The following FBXL17 variants were observed in gnomAD, a reference collection of about 807,000 sequenced individuals.
FBXL17 encodes the protein F-box/LRR-repeat protein 17.
A neutral mutation model predicts 66.2 loss-of-function variants in FBXL17; 22 were observed. The observed-to-expected ratio is 0.33, with a 90% CI of 0.24 to 0.47. The LOEUF (loss-of-function observed/expected upper bound fraction) is 0.47. Ranked by LOEUF, FBXL17 falls within the 20% of genes least tolerant of loss-of-function variation. FBXL17 has a pLI of 1.00. For synonymous variants in FBXL17, 474 were observed against 400.5 expected (o/e 1.18, Z -2.19); for missense variants, 878 against 948.2 (o/e 0.93, Z 0.97).
intron 4 of FBXL17, among the ~76,000 whole-genome samples, chr5:108,240,870 CAG>C (rs142698907): frequency 1.5e-4 from 23 of 149,896 alleles, no homozygotes; most frequent in Admixed American, 2.0e-4. Context: ...GGGAGAGAGA[CAG>C]AGAGAGAGAG....
chr5:107,859,405 T>G lies in FBXL17; in HGVS notation c.*2315A>C, dbSNP rs1398075855. The G allele has an allele frequency of 2.8e-5, 4 of 144,626 alleles. No individual in the cohort carries two copies. The highest frequency in any genetic ancestry group is 1.4e-4 in the Admixed American group (2 of 14,470). The allele number at this position is 144,626 out of a possible 1,614,324, so 9.0% of individuals were successfully genotyped here. A position where few individuals can be genotyped will look rare whatever the true frequency, so the allele number is the denominator to read the frequency against. On this transcript the variant is annotated 3_prime_UTR_variant, in exon 9 of 9. Coordinates refer to ENST00000542267, the MANE Select transcript of FBXL17 (RefSeq NM_001163315.3). ...TTTTCTGGCTGTTTTTTTTTTTTTT[T>G]TTTTTTTTTTTTGAGATTAATGCTT...
intron 8 of FBXL17, among the ~76,000 whole-genome samples, chr5:107,868,924 A>G (rs1748364161): frequency 6.6e-6 from 1 of 152,220 alleles, no homozygotes; most frequent in Non-Finnish European, 1.5e-5. Flanking sequence ...TAAGCTATGC[A>G]ATGTTTCTCC....
chr5:108,269,969 A>G (rs1230960276), intron 4 of FBXL17, among the ~76,000 whole-genome samples: 2 of 152,010 alleles, frequency 1.3e-5, no homozygotes, highest in Non-Finnish European at 2.9e-5. Flanking sequence ...TATCCCCTCA[A>G]TGGAGATTAG....
Position 107,966,093 on chromosome 5 carries a change from TA to T in FBXL17, c.1822+54831del, listed in dbSNP as rs554721686. Among the ~76,000 whole-genome samples the T allele has an allele frequency of 1.6e-3, 249 of 152,222 alleles. 1 individual carries two copies. Among genetic ancestry groups the T allele is most frequent in the African/African-American group, 5.8e-3 (241 of 41,566 alleles). ...ACCAGAGTATTACAGGCATAAAAAT[TA>T]AACAATAATAAAAAGCCTGTTGAAA... On this transcript the variant is annotated intron_variant, in intron 7 of 8. Transcript: ENST00000542267.
intron 7 of FBXL17, among the ~76,000 whole-genome samples, chr5:107,981,687 C>T (rs1752835702): frequency 6.6e-6 from 1 of 152,166 alleles, no homozygotes; most frequent in Non-Finnish European, 1.5e-5. Context: ...TAAAATCTAA[C>T]AAATTATGGC....
At chr5:108,172,434 A>G (rs1300540167) in intron 6 of FBXL17, among the ~76,000 whole-genome samples, 2 of 152,230 alleles carry the variant, frequency 1.3e-5, no homozygotes, top group Non-Finnish European at 2.9e-5. Context: ...ATATTGCACA[A>G]AAGAGTGCGT....
chr5:108,178,347 C>A (rs1453747633), intron 6 of FBXL17, among the ~76,000 whole-genome samples: 1 of 152,062 alleles, frequency 6.6e-6, no homozygotes, highest in African/African-American at 2.4e-5. Flanking sequence ...TGCCTGGCCT[C>A]ATGATTTTTT....
At chr5:107,948,797 C>G (rs1751397613) in intron 7 of FBXL17, among the ~76,000 whole-genome samples, 1 of 152,114 alleles carries the variant, frequency 6.6e-6, no homozygotes, top group Non-Finnish European at 1.5e-5. Context: ...TATAAAATGC[C>G]ACTAAGAAGC....
intron 7 of FBXL17, among the ~76,000 whole-genome samples, chr5:107,977,262 A>G: frequency 6.6e-6 from 1 of 152,058 alleles, no homozygotes; most frequent in East Asian, 1.9e-4. Context: ...GTTATCATTT[A>G]TTTTGTTTAT....
chr5:108,292,882 G>A (rs1468717005), intron 4 of FBXL17, among the ~76,000 whole-genome samples: 3 of 151,928 alleles, frequency 2.0e-5, no homozygotes, highest in African/African-American at 4.8e-5. Context: ...GGTGGATCAC[G>A]AGGTCAGGAG....
chr5:108,154,632 C>T (rs1160864222), intron 6 of FBXL17, among the ~76,000 whole-genome samples: 7 of 99,904 alleles, frequency 7.0e-5, no homozygotes, highest in Non-Finnish European at 1.4e-4. Context: ...CACACACACA[C>T]ACACACACAC....
intron 7 of FBXL17, among the ~76,000 whole-genome samples, chr5:107,997,895 G>A (rs2112708336): frequency 6.6e-6 from 1 of 152,256 alleles, no homozygotes; most frequent in South Asian, 2.1e-4. Context: ...GGAAACTAAA[G>A]TCCACACTGA....
rs138414255 is a variant in FBXL17 at position 108,032,946 on chromosome 5, T to C, written c.1746-11945A>G. ...TGATTGGATGGAACAAAATTTTAAG[T>C]TGTTGTGACAAAGACAAAAAAAGAA... On this transcript the variant is annotated intron_variant, in intron 6 of 8. Transcript: ENST00000542267. Among the ~76,000 whole-genome samples the C allele has an allele frequency of 4.7e-3, 716 of 152,276 alleles. 6 individuals are homozygous for C. The highest frequency in any genetic ancestry group is 0.017 in the African/African-American group (689 of 41,566).
At chr5:108,007,037 G>C (rs1425899885) in intron 7 of FBXL17, among the ~76,000 whole-genome samples, 1 of 152,188 alleles carries the variant, frequency 6.6e-6, no homozygotes. Context: ...AGTGCTGCCA[G>C]ATTGCAGGGA....
intron 7 of FBXL17, among the ~76,000 whole-genome samples, chr5:107,942,749 C>G (rs1218467188): frequency 6.8e-6 from 1 of 147,014 alleles, no homozygotes; most frequent in Non-Finnish European, 1.5e-5. Flanking sequence ...TGTGTACAAA[C>G]AGGCACAATT....
chr5:108,238,353 C>T (rs1189258883), intron 4 of FBXL17, among the ~76,000 whole-genome samples: 2 of 152,184 alleles, frequency 1.3e-5, no homozygotes, highest in African/African-American at 4.8e-5. Flanking sequence ...GTGTTATGCG[C>T]TAAGTACCTT....
chr5:108,078,560 C>T (rs1748642189), intron 6 of FBXL17, among the ~76,000 whole-genome samples: 1 of 152,188 alleles, frequency 6.6e-6, no homozygotes, highest in Admixed American at 6.5e-5. Flanking sequence ...CCTTCTCTAG[C>T]TGGGATCTCG....
rs144623260 is a variant in FBXL17 at position 108,300,339 on chromosome 5, C to T, written c.1506+48060G>A. 2.0e-4 allele frequency among the ~76,000 whole-genome samples: 31 copies of T among 151,984 alleles called. No homozygotes were observed. The East Asian group carries it at 2.9e-3, about 14-fold the overall frequency. On this transcript the variant is annotated intron_variant, in intron 4 of 8. Coordinates refer to ENST00000542267, the MANE Select transcript of FBXL17 (RefSeq NM_001163315.3). ...CAGAGAGACACTCAAACTTTTTCTACTTCTATATTTAGTTCAAAGTGGCCC... is the reference window on the plus strand; with the variant it reads ...CAGAGAGACACTCAAACTTTTTCTATTTCTATATTTAGTTCAAAGTGGCCC...
chr5:107,897,257 T>C (rs950077332), intron 7 of FBXL17, among the ~76,000 whole-genome samples: 2 of 152,012 alleles, frequency 1.3e-5, no homozygotes, highest in African/African-American at 4.8e-5. Context: ...AAAATTTTAT[T>C]AGTAAGGAAA....
Sources: allele counts gnomAD v4.1 joint callset (sites outside exome capture counted in the v4.1 genomes callset), GRCh38; gene constraint gnomAD v4.1.1; transcripts MANE v1.5; gene names NCBI Gene and HGNC (gene_info 2026-07-23, HGNC 2026-07-21).